The following GALNTL6 variants were observed in gnomAD, a reference collection of about 807,000 sequenced individuals.
GALNTL6 encodes the protein polypeptide N-acetylgalactosaminyltransferase like 6.
GALNTL6 carries 46 observed loss-of-function variants against 73.7 expected under a neutral mutation model. That is an observed-to-expected ratio of 0.62 (90% CI 0.49 to 0.80). GALNTL6 has a LOEUF of 0.80. GALNTL6 is among the 30% of genes least tolerant of loss of function. GALNTL6 has a pLI of 0.00. For missense variants in GALNTL6, 604 were observed against 755.0 expected (o/e 0.80, Z 2.34); for synonymous variants, 259 against 263.7 (o/e 0.98, Z 0.17).
intron 5 of GALNTL6, among the ~76,000 whole-genome samples, chr4:172,530,474 C>A (rs967640405): frequency 1.1e-4 from 17 of 152,108 alleles, no homozygotes; most frequent in South Asian, 4.1e-4. Flanking sequence ...TTGAATAAGA[C>A]AAACTAATGT....
chr4:172,306,858 A>G (rs1194880396), intron 3 of GALNTL6, among the ~76,000 whole-genome samples: 2 of 152,126 alleles, frequency 1.3e-5, no homozygotes, highest in Non-Finnish European at 2.9e-5. Context: ...TTACACACTC[A>G]TTGGTTAATG....
intron 5 of GALNTL6, among the ~76,000 whole-genome samples, chr4:172,410,282 A>G (rs960327434): frequency 1.3e-5 from 2 of 152,012 alleles, no homozygotes; most frequent in Non-Finnish European, 2.9e-5. Flanking sequence ...CATCTTAACC[A>G]TATATATGCA....
intron 5 of GALNTL6, among the ~76,000 whole-genome samples, chr4:172,568,615 G>A (rs1016835258): frequency 4.6e-5 from 7 of 151,276 alleles, no homozygotes; most frequent in Non-Finnish European, 1.0e-4. Flanking sequence ...AAAATTAGCC[G>A]GGCGTGATGG....
At chr4:172,545,289 C>T (rs1735705655) in intron 5 of GALNTL6, among the ~76,000 whole-genome samples, 2 of 152,106 alleles carry the variant, frequency 1.3e-5, no homozygotes, top group Admixed American at 1.3e-4. Context: ...TATTTCTCTA[C>T]TTTATAATTT....
rs76993903 is a variant in GALNTL6, at chr4:171,864,661, A to G, written c.138+49943A>G. ...GCTAGGTTTTGGCTTCATTTTTAAGAGATGCAATATTTAATAACACTTCCC... is the reference window on the plus strand; with the variant it reads ...GCTAGGTTTTGGCTTCATTTTTAAGGGATGCAATATTTAATAACACTTCCC... On this transcript the variant is annotated intron_variant, in intron 2 of 12. Coordinates refer to ENST00000506823, the MANE Select transcript of GALNTL6 (RefSeq NM_001034845.3). Among the ~76,000 whole-genome samples the G allele has an allele frequency of 8.4e-3, 1,274 of 152,178 alleles. 29 individuals carry two copies. Among genetic ancestry groups the G allele is most frequent in the African/African-American group, 0.029 (1,217 of 41,508 alleles).
intron 10 of GALNTL6, among the ~76,000 whole-genome samples, chr4:173,004,484 G>C (rs988098440): frequency 6.6e-6 from 1 of 152,048 alleles, no homozygotes; most frequent in Non-Finnish European, 1.5e-5. Flanking sequence ...AAATTAGCTG[G>C]GAGTAGTGGT....
Position 172,684,678 on chromosome 4 carries a change from T to G in GALNTL6, c.554-124683T>G, listed in dbSNP as rs1437839. Among the ~76,000 whole-genome samples, 291 of 152,300 alleles carry G rather than the reference T, an allele frequency of 1.9e-3. 1 individual carries two copies. Among genetic ancestry groups the G allele is most frequent in the Admixed American group, 0.015 (233 of 15,294 alleles). On this transcript the variant is annotated intron_variant, in intron 5 of 12. Transcript: ENST00000506823. ...TAACAGATGGAGTCAAGACTGAACA[T>G]GGAAAAGAGATGAACCTTTGGTGGC...
At chr4:172,322,639 G>A (rs1443195362) in intron 4 of GALNTL6, among the ~76,000 whole-genome samples, 5 of 152,120 alleles carry the variant, frequency 3.3e-5, no homozygotes, top group Non-Finnish European at 4.4e-5. Context: ...GAGAGAGAGC[G>A]TGAAGGTGGA....
intron 5 of GALNTL6, among the ~76,000 whole-genome samples, chr4:172,421,837 A>G (rs1731060690): frequency 6.6e-6 from 1 of 152,076 alleles, no homozygotes; most frequent in Admixed American, 6.6e-5. Flanking sequence ...TTGCCCCCAG[A>G]CATGCATAAA....
At chr4:172,566,236 T>C (rs1427350107) in intron 5 of GALNTL6, among the ~76,000 whole-genome samples, 2 of 152,200 alleles carry the variant, frequency 1.3e-5, no homozygotes, top group African/African-American at 4.8e-5. Flanking sequence ...AGTATCAGAA[T>C]ACACATTCTT....
intron 5 of GALNTL6, among the ~76,000 whole-genome samples, chr4:172,585,017 A>G (rs1398340006): frequency 6.6e-6 from 1 of 152,204 alleles, no homozygotes; most frequent in East Asian, 1.9e-4. Context: ...ATGACATAAA[A>G]TGCACTGTTT....
In GALNTL6 at chr4:172,125,445, C is replaced by A. The variant is rs559130666; in HGVS notation, c.139-104211C>A. On this transcript the variant is annotated intron_variant, in intron 2 of 12. Coordinates refer to ENST00000506823, the MANE Select transcript of GALNTL6 (RefSeq NM_001034845.3). ...TACTAAGAGCAAACACTTCAAGAAA[C>A]CTTATTGTTTGAACACAAGGAACCA... Among the ~76,000 whole-genome samples, 34 of 152,218 alleles carry A rather than the reference C, an allele frequency of 2.2e-4. 1 individual carries two copies. The East Asian group carries it at 4.6e-3, about 21-fold the overall frequency.
chr4:172,750,897 A>G (rs922671665), intron 5 of GALNTL6, among the ~76,000 whole-genome samples: 1 of 152,060 alleles, frequency 6.6e-6, no homozygotes. Context: ...CTGGCAACAC[A>G]TTCTTTTAGT....
At chr4:172,313,880 G>C (rs1740453396) in intron 4 of GALNTL6, among the ~76,000 whole-genome samples, 4 of 152,212 alleles carry the variant, frequency 2.6e-5, no homozygotes, top group African/African-American at 9.6e-5. Flanking sequence ...ATACTACCAG[G>C]AATAAGGTTC....
intron 3 of GALNTL6, among the ~76,000 whole-genome samples, chr4:172,275,453 C>T (rs1738794701): frequency 6.6e-6 from 1 of 152,126 alleles, no homozygotes; most frequent in South Asian, 2.1e-4. Flanking sequence ...AGTCACTTAA[C>T]ACCTGTACTT....
intron 5 of GALNTL6, among the ~76,000 whole-genome samples, chr4:172,756,472 C>A (rs1737756579): frequency 6.6e-6 from 1 of 151,940 alleles, no homozygotes; most frequent in Non-Finnish European, 1.5e-5. Context: ...GGTGAAACCT[C>A]ATCTCTACCA....
chr4:172,091,997 G>A (rs1160913972), intron 2 of GALNTL6, among the ~76,000 whole-genome samples: 3 of 151,972 alleles, frequency 2.0e-5, no homozygotes, highest in Non-Finnish European at 4.4e-5. Context: ...TAAAGTTCTG[G>A]AAATTTTGAC....
intron 2 of GALNTL6, among the ~76,000 whole-genome samples, chr4:172,099,152 C>T (rs530703352): frequency 2.2e-4 from 34 of 151,938 alleles, no homozygotes; most frequent in South Asian, 1.2e-3. Flanking sequence ...ACTAGAGAGA[C>T]GAAAAAAACA....
chr4:172,515,658 G>A (rs536074445), intron 5 of GALNTL6, among the ~76,000 whole-genome samples: 2 of 152,310 alleles, frequency 1.3e-5, no homozygotes, highest in African/African-American at 4.8e-5. Context: ...CAGCTGTCCT[G>A]AATTAACCCC....
Sources: gnomAD v4.1 joint callset for allele counts (sites outside exome capture counted in the v4.1 genomes callset) on GRCh38, gnomAD v4.1.1 for gene constraint, MANE v1.5 for transcripts, NCBI Gene and HGNC (gene_info 2026-07-23, HGNC 2026-07-21) for gene names.